Variants in NGEF observed in about 807,000 individuals in gnomAD.
The protein encoded by NGEF is neuronal guanine nucleotide exchange factor, also known as ephexin-1.
NGEF carries 31 observed loss-of-function variants against 80.9 expected under a neutral mutation model. The observed-to-expected ratio is 0.38, with a 90% confidence interval of 0.29 to 0.52. The LOEUF (loss-of-function observed/expected upper bound fraction) is 0.52, where lower values mean the gene tolerates loss of function less well. NGEF is among the 20% of genes least tolerant of loss of function. NGEF has a pLI of 0.84. For missense variants in NGEF, 709 were observed against 926.2 expected (o/e 0.77, Z 3.04); for synonymous variants, 371 against 370.2 (o/e 1.00, Z -0.03).
At position 232,949,954 on chromosome 2, in the gene NGEF, G is replaced by T. The variant is rs539657470; in HGVS notation, c.383+20260C>A. On this transcript the variant is annotated intron_variant, in intron 3 of 14. Transcript: ENST00000264051. ...TGCCTCCCGAGTAGCTGGGATTACAGGTGCCCACCACCATGCCCGGCTAAT... is the reference window on the plus strand; with the variant it reads ...TGCCTCCCGAGTAGCTGGGATTACATGTGCCCACCACCATGCCCGGCTAAT... Among the ~76,000 whole-genome samples the T allele has an allele frequency of 9.8e-4, 149 of 152,062 alleles. 1 individual carries two copies. The highest frequency in any genetic ancestry group is 3.4e-3 in the African/African-American group (139 of 41,456).
chr2:232,957,470 C>A (rs1331576682), intron 3 of NGEF, among the ~76,000 whole-genome samples: 1 of 152,070 alleles, frequency 6.6e-6, no homozygotes. Flanking sequence ...TTACAGGCAC[C>A]CGCCACCACA....
intron 8 of NGEF, 131 bp from the exon 9 acceptor site, chr2:232,888,238 G>A (rs2048865): frequency 2.2e-4 from 78 of 357,330 alleles, no homozygotes; most frequent in Admixed American, 1.5e-3. Context: ...ACACACACAC[G>A]CACGCACGCA....
At chr2:232,947,493 C>A (rs1381942851) in intron 3 of NGEF, among the ~76,000 whole-genome samples, 2 of 152,146 alleles carry the variant, frequency 1.3e-5, no homozygotes, top group African/African-American at 2.4e-5. Context: ...TTCCCCCATG[C>A]TGTTCTTATG....
rs1383936442 is a variant in NGEF at position 233,013,143 on chromosome 2, C to A, written c.-150G>T. The A allele has an allele frequency of 6.4e-6, 3 of 471,172 alleles. No individual in the cohort carries two copies. Among genetic ancestry groups the A allele is most frequent in the Non-Finnish European group, 1.3e-5 (3 of 227,076 alleles). The allele number at this position is 471,172 out of a possible 1,614,324, so 29.2% of individuals were successfully genotyped here. A position where few individuals can be genotyped will look rare whatever the true frequency, so the allele number is the denominator to read the frequency against. ...CCTCGTCCCCTGTCCTGTCCAGGCA[C>A]CTGCGAGCAGGATGGTGTGTCCCCG... On this transcript the variant is annotated 5_prime_UTR_variant, in exon 1 of 15. Transcript: ENST00000264051.
intron 5 of NGEF, among the ~76,000 whole-genome samples, chr2:232,913,668 C>A (rs184177587): frequency 6.4e-4 from 98 of 152,238 alleles, no homozygotes; most frequent in African/African-American, 2.2e-3. Context: ...CACCTGTAAT[C>A]CCAGCACTTT....
intron 1 of NGEF, among the ~76,000 whole-genome samples, chr2:232,982,522 CT>C (rs904351923): frequency 2.0e-5 from 3 of 151,704 alleles, no homozygotes; most frequent in Non-Finnish European, 4.4e-5. Context: ...TGTCTTGGGC[CT>C]TTTTTTTGAG....
intron 1 of NGEF, among the ~76,000 whole-genome samples, chr2:232,989,929 G>A (rs1360060827): frequency 1.3e-5 from 2 of 152,104 alleles, no homozygotes; most frequent in Non-Finnish European, 2.9e-5. Context: ...TTAAAGATGA[G>A]ACTAGAAGGA....
At chr2:232,984,420 A>G (rs1019886035) in intron 1 of NGEF, among the ~76,000 whole-genome samples, 1 of 152,192 alleles carries the variant, frequency 6.6e-6, no homozygotes, top group Admixed American at 6.5e-5. Context: ...TAGGAAGAAG[A>G]GAGTGGCATA....
intron 3 of NGEF, among the ~76,000 whole-genome samples, chr2:232,955,799 G>A (rs908118878): frequency 2.6e-5 from 4 of 152,168 alleles, no homozygotes; most frequent in African/African-American, 4.8e-5. Context: ...GATTATAGGC[G>A]TGAGCCACCA....
Position 232,879,449 on chromosome 2 carries a change from C to T in NGEF, c.*40G>A. On this transcript the variant is annotated 3_prime_UTR_variant, in exon 15 of 15. Transcript: ENST00000264051. ...CCCCCCCCCCACCTTCTGTCGGGGT[C>T]TCATGCAGGCCCTGCTCCCGCTGGC... is the stretch of plus-strand genomic sequence containing the variant. The T allele has an allele frequency of 1.7e-6, 2 of 1,163,048 alleles. No individual in the cohort carries two copies. Among genetic ancestry groups the T allele is most frequent in the Non-Finnish European group, 1.2e-6 (1 of 815,514 alleles). The allele number at this position is 1,163,048 out of a possible 1,614,324, so 72.0% of individuals were successfully genotyped here.
intron 3 of NGEF, among the ~76,000 whole-genome samples, chr2:232,953,106 A>T (rs1325690830): frequency 1.3e-5 from 2 of 151,694 alleles, no homozygotes; most frequent in Non-Finnish European, 2.9e-5. Flanking sequence ...GTTCGAGACC[A>T]GCCTGACCAA....
At chr2:232,908,721 T>G (rs922032003) in intron 5 of NGEF, among the ~76,000 whole-genome samples, 8 of 152,074 alleles carry the variant, frequency 5.3e-5, no homozygotes, top group African/African-American at 1.9e-4. Context: ...GTACTTTTTT[T>G]GCTTTTGTTG....
intron 5 of NGEF, among the ~76,000 whole-genome samples, chr2:232,896,287 G>A (rs1438936424): frequency 1.3e-5 from 2 of 152,176 alleles, no homozygotes; most frequent in Non-Finnish European, 2.9e-5. Flanking sequence ...GAGGCCAAGG[G>A]AGATTTAATA....
Position 232,881,233 on chromosome 2 carries a change from A to G in NGEF, c.1855T>C (p.Cys619Arg). The G allele has an allele frequency of 6.2e-7, 1 of 1,608,830 alleles. No individual in the cohort carries two copies. Among genetic ancestry groups the G allele is most frequent in the Non-Finnish European group, 8.5e-7 (1 of 1,179,938 alleles). ...SRLLDCPQVQCVHPYVAQQPD... is the reference protein window; with the variant it reads ...SRLLDCPQVQRVHPYVAQQPD... The stretch of plus-strand genomic sequence containing the variant: ...TGCTGAGCCACGTATGGGTGCACGC[A>G]CTGGACCTGGGGGCAGTCTGAGGGA... Residue 619 changes from cysteine to arginine, a missense_variant, in exon 14 of 15, where the codon TGC (cysteine) becomes CGC (arginine). Cys to Arg is a radical substitution (Grantham distance 180, BLOSUM62 -3). Transcript: ENST00000264051.
At chr2:232,893,256 G>A (rs889823911) in intron 6 of NGEF, among the ~76,000 whole-genome samples, 6 of 152,234 alleles carry the variant, frequency 3.9e-5, no homozygotes, top group African/African-American at 1.4e-4. Context: ...TTTTCACGGG[G>A]CTGATGGTGC....
intron 1 of NGEF, among the ~76,000 whole-genome samples, chr2:232,982,463 G>T (rs1463867927): frequency 6.6e-6 from 1 of 152,172 alleles, no homozygotes; most frequent in East Asian, 1.9e-4. Flanking sequence ...ATTCCTTCCT[G>T]GTCCTTGAAT....
chr2:232,952,183 A>C (rs1485678137), intron 3 of NGEF, among the ~76,000 whole-genome samples: 1 of 152,212 alleles, frequency 6.6e-6, no homozygotes. Context: ...GGATCTTCAG[A>C]TATAAAGCCT....
intron 5 of NGEF, among the ~76,000 whole-genome samples, chr2:232,919,344 C>T (rs1039122390): frequency 9.2e-5 from 14 of 152,016 alleles, no homozygotes; most frequent in Non-Finnish European, 1.8e-4. Flanking sequence ...TGGACAAGCG[C>T]GAGGAATGCA....
intron 3 of NGEF, among the ~76,000 whole-genome samples, chr2:232,967,847 A>G (rs989538359): frequency 6.6e-6 from 1 of 152,056 alleles, no homozygotes; most frequent in African/African-American, 2.4e-5. Context: ...GATACAGGGG[A>G]TACAGTTTCC....
Sources: allele counts gnomAD v4.1 joint callset (sites outside exome capture counted in the v4.1 genomes callset), GRCh38; gene constraint gnomAD v4.1.1; transcripts MANE v1.5; gene names NCBI Gene and HGNC (gene_info 2026-07-23, HGNC 2026-07-21).